Variants in AEBP1 observed in about 807,000 individuals in gnomAD.
AEBP1 encodes the protein AE binding protein 1.
AEBP1 carries 69 observed loss-of-function variants against 116.5 expected under a neutral mutation model. The ratio of observed to expected loss-of-function variants is 0.59; its 90% CI spans 0.49 to 0.72. The LOEUF (loss-of-function observed/expected upper bound fraction) is 0.72. Among genes scored for constraint, AEBP1 ranks in the 30% least tolerant of loss-of-function variants. AEBP1 has a pLI of 0.00. For synonymous variants in AEBP1, 627 were observed against 627.3 expected, an observed-to-expected ratio of 1.00 and a Z score of 0.01; for missense variants, 1,444 against 1,557.5, an observed-to-expected ratio of 0.93 and a Z score of 1.23.
In AEBP1 at chr7:44,112,718, G is replaced by T. The variant is rs374013273; in HGVS notation, c.2378G>T (p.Arg793Leu). The stretch of plus-strand genomic sequence containing the variant: ...CTGGCCGCAGCCATGGCAGCAGCCC[G>T]GGGGGAGGATGAGGACGAGGTCTCC... ...QLLAAAMAAA[R>L]GEDEDEVSEA... is the part of the protein sequence containing the mutation. The change falls in exon 18 of 21, where the codon CGG becomes CTG. Residue 793 changes from arginine to leucine, a missense_variant. Coordinates refer to ENST00000223357, the MANE Select transcript of AEBP1 (RefSeq NM_001129.5). This position sits in a 1 kb window ranked among gnomAD's most constrained non-coding sequence, Gnocchi z 6.6. The T allele has an allele frequency of 2.2e-5, 36 of 1,612,900 alleles. No individual in the cohort carries two copies. Among genetic ancestry groups the T allele is most frequent in the Admixed American group, 3.3e-5 (2 of 59,962 alleles).
chr7:44,111,974 G>C lies in AEBP1; in HGVS notation c.1961G>C (p.Arg654Pro), dbSNP rs748402393. Reference protein sequence around the residue: ...REYRDGNPRVRSLVQDTRIHL... With the variant: ...REYRDGNPRVPSLVQDTRIHL... ...TACCGCGATGGGAACCCACGTGTGC[G>C]CAGCCTGGTGCAGGACACACGCATC... The change falls in exon 16 of 21, where the codon CGC becomes CCC. Residue 654 changes from arginine to proline, a missense_variant. By Grantham distance (103) the Arg-to-Pro change is moderately radical. Coordinates refer to ENST00000223357, the MANE Select transcript of AEBP1 (RefSeq NM_001129.5). This position sits in a 1 kb window ranked among gnomAD's most constrained non-coding sequence, Gnocchi z 4.7. The C allele has an allele frequency of 1.2e-6, 2 of 1,613,702 alleles. No homozygotes were observed. Among genetic ancestry groups the C allele is most frequent in the African/African-American group, 2.7e-5 (2 of 74,942 alleles).
Position 44,107,826 on chromosome 7 carries a change from C to G in AEBP1, c.757C>G (p.Gln253Glu). Residue 253 changes from glutamine to glutamate, a missense_variant, in exon 5 of 21, where the codon CAG becomes GAG. By Grantham distance (29) the Gln-to-Glu change is conservative. Transcript: ENST00000223357. This position sits in a 1 kb window ranked among gnomAD's most constrained non-coding sequence, Gnocchi z 4.3. ...DYEDFEYIRR[Q>E]KQPRPPPSRR... is the part of the protein sequence containing the mutation. ...CCCCTCAGTTGAGTACATTCGGCGC[C>G]AGAAGCAACCCAGGCCACCCCCAAG... 6.2e-7 allele frequency: 1 copy of G among 1,611,828 alleles called. No homozygotes were observed. The highest frequency in any genetic ancestry group is 1.1e-5 in the South Asian group (1 of 90,964).
At position 44,113,871 on chromosome 7, in the gene AEBP1, TCGGGCACAGATGCGGCTGCGGCGC is replaced by T; in HGVS notation, c.3089_3112del (p.Arg1030_Arg1037del). 1 of 1,613,668 alleles carries T rather than the reference TCGGGCACAGATGCGGCTGCGGCGC, an allele frequency of 6.2e-7. No individual in the cohort carries two copies. Among genetic ancestry groups the T allele is most frequent in the Non-Finnish European group, 8.5e-7 (1 of 1,179,992 alleles). Reference sequence around the variant, plus strand: ...GACGCCTACAACACCGCCTGCGGCTTCGGGCACAGATGCGGCTGCGGCGCCTCAACGCCACCACCACCCTAGGCC... The same window carrying T: ...GACGCCTACAACACCGCCTGCGGCTTCTCAACGCCACCACCACCCTAGGCC... On this transcript the variant is annotated inframe_deletion, in exon 21 of 21. Transcript: ENST00000223357. This position sits in a 1 kb window ranked among gnomAD's most constrained non-coding sequence, Gnocchi z 5.3.
chr7:44,114,130 G>C lies in AEBP1; in HGVS notation c.3346G>C (p.Glu1116Gln). 1 of 1,614,138 alleles carries C rather than the reference G, an allele frequency of 6.2e-7. No homozygotes were observed. Among genetic ancestry groups the C allele is most frequent in the Non-Finnish European group, 8.5e-7 (1 of 1,180,026 alleles). Residue 1116 changes from glutamate (E) to glutamine (Q), a missense_variant, in exon 21 of 21, where the codon GAG becomes CAG. Transcript: ENST00000223357. Reference protein sequence around the residue: ...EPEFETQLEPEFETQLEPEFE... With the variant: ...EPEFETQLEPQFETQLEPEFE... ...CGAGTTTGAGACCCAGTTGGAGCCT[G>C]AGTTTGAGACCCAGCTGGAACCCGA...
chr7:44,109,694 G>A (rs1189628482), intron 9 of AEBP1: 1 of 566,130 alleles, frequency 1.8e-6, no homozygotes, highest in Admixed American at 3.2e-5. Context: ...GATGACATCT[G>A]TGGCTGCGCC....
At position 44,112,457 on chromosome 7, in the gene AEBP1, C is replaced by T. The variant is rs1335988602; in HGVS notation, c.2218-101C>T. On this transcript the variant is annotated intron_variant, in intron 17 of 20. Transcript: ENST00000223357. The surrounding 1 kb of genome is among the most constrained non-coding windows in gnomAD (Gnocchi z 6.6). Reference sequence around the variant, plus strand: ...CTCTGGGGGTTGGGGGACAGGGGATCGTGCGAGTACTGGTGTGAAGCTTCA... The same window carrying T: ...CTCTGGGGGTTGGGGGACAGGGGATTGTGCGAGTACTGGTGTGAAGCTTCA... The T allele has an allele frequency of 1.4e-6, 2 of 1,379,710 alleles. No individual in the cohort carries two copies. Among genetic ancestry groups the T allele is most frequent in the Non-Finnish European group, 2.0e-6 (2 of 1,020,508 alleles). 85.5% of individuals were successfully genotyped at this position (1,379,710 alleles called of 1,614,324 possible).
In AEBP1 at chr7:44,112,897, C is replaced by A; in HGVS notation, c.2557C>A (p.Pro853Thr). Reference protein sequence around the residue: ...MGIVNGAKWNPRTGTINDFSY... With the variant: ...MGIVNGAKWNTRTGTINDFSY... ...CATCGTCAACGGGGCCAAGTGGAAC[C>A]CCCGGACCGGGAGTGAGTCAGCCTG... is the stretch of plus-strand genomic sequence containing the variant. Residue 853 changes from proline (P) to threonine (T), a missense_variant, in exon 18 of 21, where the codon CCC (proline) becomes ACC (threonine). Pro to Thr is a conservative substitution (Grantham distance 38). Coordinates refer to ENST00000223357, the MANE Select transcript of AEBP1 (RefSeq NM_001129.5). This position sits in a 1 kb window ranked among gnomAD's most constrained non-coding sequence, Gnocchi z 6.6. 4 of 1,611,394 alleles carry A rather than the reference C, an allele frequency of 2.5e-6. No homozygotes were observed. Among genetic ancestry groups the A allele is most frequent in the Non-Finnish European group, 3.4e-6 (4 of 1,178,554 alleles).
chr7:44,113,515 G>GT lies in AEBP1; in HGVS notation c.2810-79_2810-78insT. Reference sequence around the variant, plus strand: ...GCGGGAACTCAGAGGGGGAGGGCGGGGCTGGGGGCAGGACTGAGTGGGAGG... The same window carrying GT: ...GCGGGAACTCAGAGGGGGAGGGCGGGTGCTGGGGGCAGGACTGAGTGGGAGG... On this transcript the variant is annotated intron_variant, in intron 20 of 20. Transcript: ENST00000223357. This position sits in a 1 kb window ranked among gnomAD's most constrained non-coding sequence, Gnocchi z 5.3. 1 of 1,339,894 alleles carries GT rather than the reference G, an allele frequency of 7.5e-7. No individual in the cohort carries two copies. Among genetic ancestry groups the GT allele is most frequent in the South Asian group, 1.5e-5 (1 of 67,672 alleles). The allele number at this position is 1,339,894 out of a possible 1,614,324, so 83.0% of individuals were successfully genotyped here. A position where few individuals can be genotyped will look rare whatever the true frequency, so the allele number is the denominator to read the frequency against.
At position 44,110,170 on chromosome 7, in the gene AEBP1, C is replaced by T. The variant is rs2096227594; in HGVS notation, c.1261-37C>T. 3 of 1,613,292 alleles carry T rather than the reference C, an allele frequency of 1.9e-6. No individual in the cohort carries two copies. In the Admixed American group the frequency reaches 5.0e-5, roughly 27 times the overall value. Reference sequence around the variant, plus strand: ...ATCTCCCAACTGGGATAAGGGACTCCTCCGCCCATGCTCAGCCTCCCCTGC... The same window carrying T: ...ATCTCCCAACTGGGATAAGGGACTCTTCCGCCCATGCTCAGCCTCCCCTGC... On this transcript the variant is annotated intron_variant, in intron 10 of 20. Coordinates refer to ENST00000223357, the MANE Select transcript of AEBP1 (RefSeq NM_001129.5).
In AEBP1 at chr7:44,110,141, G is replaced by C. The variant is rs1399817480; in HGVS notation, c.1260+17G>C. On this transcript the variant is annotated intron_variant, in intron 10 of 20. Transcript: ENST00000223357. Reference sequence around the variant, plus strand: ...AACATGCAGGTGGGCATTGGGATGGGCCCATCTCCCAACTGGGATAAGGGA... The same window carrying C: ...AACATGCAGGTGGGCATTGGGATGGCCCCATCTCCCAACTGGGATAAGGGA... 1 of 1,612,998 alleles carries C rather than the reference G, an allele frequency of 6.2e-7. No individual in the cohort carries two copies. The highest frequency in any genetic ancestry group is 1.7e-5 in the Admixed American group (1 of 59,992).
chr7:44,106,487 G>T, intron 1 of AEBP1, 59 bp from the exon 2 acceptor site: 4 of 1,490,756 alleles, frequency 2.7e-6, no homozygotes, highest in South Asian at 2.6e-5. Flanking sequence ...CTAGAGAGGG[G>T]CCTCATGGGG....
rs763711359 is a variant in AEBP1, at chr7:44,111,919, C to T, written c.1906C>T (p.Leu636=). The T allele has an allele frequency of 1.9e-6, 3 of 1,613,832 alleles. No homozygotes were observed. The highest frequency in any genetic ancestry group is 2.5e-6 in the Non-Finnish European group (3 of 1,180,024). ...GNEVLGRELL[L]LLMQYLCREY... ...CGAGGTGCTGGGCCGAGAGCTGTTG[C>T]TGCTGCTCATGCAGTACCTGTGCCG... The change falls in exon 16 of 21, where the codon CTG becomes TTG. Residue 636 remains leucine, a synonymous_variant. Transcript: ENST00000223357. This position sits in a 1 kb window ranked among gnomAD's most constrained non-coding sequence, Gnocchi z 4.7.
At position 44,111,210 on chromosome 7, in the gene AEBP1, C is replaced by T. The variant is rs199515795; in HGVS notation, c.1687C>T (p.Arg563Trp). ...EVVATDDLDF[R>W]HHSYKDMRQL... ...GGTGGCCACCGATGACCTGGATTTC[C>T]GGCACCACAGCTACAAGGACATGCG... The change falls in exon 14 of 21, where the codon CGG becomes TGG. Residue 563 changes from arginine (R) to tryptophan (W), a missense_variant. Transcript: ENST00000223357. The surrounding 1 kb of genome is among the most constrained non-coding windows in gnomAD (Gnocchi z 4.7). 9.2e-5 allele frequency: 140 copies of T among 1,515,220 alleles called. No homozygotes were observed. The highest frequency in any genetic ancestry group is 1.1e-4 in the Non-Finnish European group (127 of 1,130,578). 93.9% of individuals were successfully genotyped at this position (1,515,220 alleles called of 1,614,324 possible).
In AEBP1 at chr7:44,113,965, C is replaced by G; in HGVS notation, c.3181C>G (p.Leu1061Val). ...PTLPPAPATTLSTTIEPWGLI... is the reference protein window; with the variant it reads ...PTLPPAPATTVSTTIEPWGLI... ...GCTGCCCCCTGCCCCTGCCACCACC[C>G]TGAGCACTACCATAGAGCCCTGGGG... The change falls in exon 21 of 21, where the codon CTG (leucine) becomes GTG (valine). Residue 1061 changes from leucine (L) to valine (V), a missense_variant. Leu to Val is a conservative substitution (Grantham distance 32, BLOSUM62 1). Transcript: ENST00000223357. The surrounding 1 kb of genome is among the most constrained non-coding windows in gnomAD (Gnocchi z 5.3). 3 of 1,613,662 alleles carry G rather than the reference C, an allele frequency of 1.9e-6. No homozygotes were observed. The highest frequency in any genetic ancestry group is 2.5e-6 in the Non-Finnish European group (3 of 1,179,768).
At position 44,104,457 on chromosome 7, in the gene AEBP1, C is replaced by T; in HGVS notation, c.-209C>T. On this transcript the variant is annotated 5_prime_UTR_variant, in exon 1 of 21. Transcript: ENST00000223357. ...GACCACCCCTGAGCCCCTCTGGCTT[C>T]GGAGCCCCCCAGCACCCCTTCCCGG... 2 of 418,908 alleles carry T rather than the reference C, an allele frequency of 4.8e-6. No individual in the cohort carries two copies. The highest frequency in any genetic ancestry group is 8.3e-6 in the Non-Finnish European group (2 of 240,632). 25.9% of individuals were successfully genotyped at this position (418,908 alleles called of 1,614,324 possible). A position where few individuals can be genotyped will look rare whatever the true frequency, so the allele number is the denominator to read the frequency against.
rs1038877120 is a variant in AEBP1 at position 44,104,637 on chromosome 7, C to A, written c.-29C>A. On this transcript the variant is annotated 5_prime_UTR_variant, in exon 1 of 21. Transcript: ENST00000223357. ...CAGAGCCCCTGACCCCCCGCGCCCT[C>A]CCCGGAGCCCCCCGCGCGTGCCGCG... 2 of 1,420,176 alleles carry A rather than the reference C, an allele frequency of 1.4e-6. No individual in the cohort carries two copies. The highest frequency in any genetic ancestry group is 3.1e-5 in the South Asian group (2 of 64,900). 88.0% of individuals were successfully genotyped at this position (1,420,176 alleles called of 1,614,324 possible).
rs369527737 is a variant in AEBP1 at position 44,114,268 on chromosome 7, C to T, written c.*7C>T. On this transcript the variant is annotated 3_prime_UTR_variant, in exon 21 of 21. Coordinates refer to ENST00000223357, the MANE Select transcript of AEBP1 (RefSeq NM_001129.5). ...GAACTTTGGGGACTTCTGAGATCAG[C>T]GTCCTACCAAGACCCCAGCCCAACT... The T allele has an allele frequency of 1.7e-5, 28 of 1,612,562 alleles. No homozygotes were observed. Among genetic ancestry groups the T allele is most frequent in the South Asian group, 2.2e-5 (2 of 91,058 alleles).
chr7:44,109,957 G>T, intron 9 of AEBP1, 58 bp from the exon 10 acceptor site: 1 of 1,509,938 alleles, frequency 6.6e-7, no homozygotes, highest in Non-Finnish European at 9.1e-7. Flanking sequence ...TTGGTTCTGG[G>T]TTTGGTGGAG....
At position 44,111,593 on chromosome 7, in the gene AEBP1, C is replaced by T. The variant is rs1384881531; in HGVS notation, c.1803C>T (p.Ala601=). 19 of 1,613,300 alleles carry T rather than the reference C, an allele frequency of 1.2e-5. No homozygotes were observed. Among genetic ancestry groups the T allele is most frequent in the Non-Finnish European group, 1.5e-5 (18 of 1,179,766 alleles). The change falls in exon 15 of 21, where the codon GCC becomes GCT. Residue 601 remains alanine, a synonymous_variant. Transcript: ENST00000223357. This position sits in a 1 kb window ranked among gnomAD's most constrained non-coding sequence, Gnocchi z 4.7. The part of the protein sequence containing the change: ...GKSSRGLKIY[A]MEISDNPGEH... ...GCTCACGAGGCCTCAAGATCTATGC[C>T]ATGGAGATCTCAGACAACCCTGGGG...
Sources: allele counts gnomAD v4.1 joint callset, GRCh38; gene constraint gnomAD v4.1.1; non-coding constraint Gnocchi (gnomAD v3.1); transcripts MANE v1.5; gene names NCBI Gene and HGNC (gene_info 2026-07-23, HGNC 2026-07-21).